RIC1: variants seen among roughly 807,000 people sequenced by gnomAD.
The protein encoded by RIC1 is RIC1 partner of RAB6A GEF complex.
RIC1 carries 88 observed loss-of-function variants against 169.0 expected under a neutral mutation model. The observed-to-expected ratio is 0.52, with a 90% CI of 0.44 to 0.62. RIC1 has a LOEUF of 0.62. RIC1 is among the 20% of genes least tolerant of loss of function. The pLI is 0.00. For synonymous variants in RIC1, 790 were observed against 601.5 expected, an observed-to-expected ratio of 1.31 and a Z score of -4.59; for missense variants, 1,877 against 1,725.5, an observed-to-expected ratio of 1.09 and a Z score of -1.56.
intron 23 of RIC1, among the ~76,000 whole-genome samples, chr9:5,771,193 T>C (rs1308357970): frequency 6.6e-6 from 1 of 152,220 alleles, no homozygotes; most frequent in Non-Finnish European, 1.5e-5. Context: ...AAACTCTGTA[T>C]ATGTTACTTA....
chr9:5,747,180 C>G (rs1180020383), intron 11 of RIC1, 122 bp from the exon 12 acceptor site: 5 of 692,952 alleles, frequency 7.2e-6, no homozygotes, highest in African/African-American at 3.6e-5. Flanking sequence ...AAATCAACAT[C>G]GAGATACATG....
At chr9:5,773,853 A>T in intron 25 of RIC1, 105 bp from the exon 26 acceptor site, 1 of 1,079,078 alleles carries the variant, frequency 9.3e-7, no homozygotes, top group Non-Finnish European at 1.3e-6. Flanking sequence ...CTCCTAATCT[A>T]TCGTCGTCTT....
intron 15 of RIC1, among the ~76,000 whole-genome samples, chr9:5,755,161 C>T (rs1281071142): frequency 6.6e-6 from 1 of 152,052 alleles, no homozygotes; most frequent in African/African-American, 2.4e-5. Flanking sequence ...TTTTAGCTGT[C>T]GGACATTCCC....
chr9:5,750,307 T>A (rs758710271), intron 12 of RIC1, among the ~76,000 whole-genome samples: 26 of 151,912 alleles, frequency 1.7e-4, no homozygotes, highest in Non-Finnish European at 2.1e-4. Flanking sequence ...TACATAAATC[T>A]ATTATCCATT....
At chr9:5,726,959 C>T (rs1278285168) in intron 6 of RIC1, among the ~76,000 whole-genome samples, 1 of 152,184 alleles carries the variant, frequency 6.6e-6, no homozygotes, top group African/African-American at 2.4e-5. Flanking sequence ...GTGGGTAACC[C>T]GACCTTTCTC....
At chr9:5,712,887 G>A (rs1823016702) in intron 3 of RIC1, 1 of 152,100 alleles carries the variant, frequency 6.6e-6, no homozygotes, top group Non-Finnish European at 1.5e-5. Context: ...AAGGAATTAA[G>A]TAAGTACTCC....
chr9:5,733,986 G>C (rs1175951597), intron 7 of RIC1, among the ~76,000 whole-genome samples: 1 of 146,922 alleles, frequency 6.8e-6, no homozygotes, highest in Non-Finnish European at 1.5e-5. Flanking sequence ...GATTTTTTTG[G>C]ACTACTGATT....
chr9:5,727,573 G>A (rs1426401485), intron 6 of RIC1, among the ~76,000 whole-genome samples: 1 of 152,182 alleles, frequency 6.6e-6, no homozygotes, highest in Non-Finnish European at 1.5e-5. Context: ...ATCGAGCTTT[G>A]TTCCATTGCT....
chr9:5,654,880 C>T lies in RIC1; in HGVS notation c.145-1703C>T, dbSNP rs116335032. Among the ~76,000 whole-genome samples, 639 of 152,184 alleles carry T rather than the reference C, an allele frequency of 4.2e-3. 7 individuals are homozygous for T. Among genetic ancestry groups the T allele is most frequent in the African/African-American group, 0.015 (612 of 41,518 alleles). ...CAAATGTGTTTATAATGACAAATTC[C>T]ACTTTTTTATTGCTGGTATATAGAA... On this transcript the variant is annotated intron_variant, in intron 1 of 25. Coordinates refer to ENST00000414202, the MANE Select transcript of RIC1 (RefSeq NM_020829.4).
At chr9:5,701,112 CAAT>C (rs1244497087) in intron 3 of RIC1, among the ~76,000 whole-genome samples, 1 of 152,128 alleles carries the variant, frequency 6.6e-6, no homozygotes, top group Non-Finnish European at 1.5e-5. Flanking sequence ...TGCAAGTAAA[CAAT>C]AACTTGTTAT....
chr9:5,768,878 CCTT>C (rs1467917776), intron 21 of RIC1, 89 bp from the exon 22 acceptor site: 23 of 1,350,708 alleles, frequency 1.7e-5, no homozygotes, highest in East Asian at 2.3e-5. Context: ...TCTCTTATCT[CCTT>C]GTCAGCTTTA....
At chr9:5,680,727 A>G (rs1193001313) in intron 2 of RIC1, among the ~76,000 whole-genome samples, 3 of 135,644 alleles carry the variant, frequency 2.2e-5, no homozygotes, top group Non-Finnish European at 4.7e-5. Flanking sequence ...CGTCTGTTTG[A>G]TTCTTCTCCG....
At position 5,763,463 on chromosome 9, in the gene RIC1, G is replaced by A; in HGVS notation, c.2436G>A (p.Glu812=). Residue 812 remains glutamate (E), a synonymous_variant, in exon 19 of 26, where the codon GAG becomes GAA. Transcript: ENST00000414202. This position sits in a 1 kb window ranked among gnomAD's most constrained non-coding sequence, Gnocchi z 5.2. ...GGAACAATGCTAGAGAACAGCTGGAGGTGCTCTTCCCTTTCTGTGTTGTGG... is the reference window on the plus strand; with the variant it reads ...GGAACAATGCTAGAGAACAGCTGGAAGTGCTCTTCCCTTTCTGTGTTGTGG... The part of the protein sequence containing the change: ...YTRNNAREQL[E]VLFPFCVVER... 1.2e-6 allele frequency: 2 copies of A among 1,614,164 alleles called. No individual in the cohort carries two copies. The highest frequency in any genetic ancestry group is 1.7e-6 in the Non-Finnish European group (2 of 1,180,030).
chr9:5,768,572 TCA>T (rs1302586659), intron 21 of RIC1, among the ~76,000 whole-genome samples: 2 of 152,178 alleles, frequency 1.3e-5, no homozygotes, highest in African/African-American at 4.8e-5. Flanking sequence ...TCTGCATGAC[TCA>T]CACTGAGAAA....
chr9:5,629,589 C>A, intron 1 of RIC1, 136 bp downstream of exon 1: 4 of 1,016,036 alleles, frequency 3.9e-6, no homozygotes, highest in African/African-American at 1.7e-5. Flanking sequence ...TCCGCGTCCT[C>A]GTTCCACCGA....
intron 1 of RIC1, among the ~76,000 whole-genome samples, chr9:5,634,877 T>C (rs1817893862): frequency 6.6e-6 from 1 of 152,224 alleles, no homozygotes; most frequent in South Asian, 2.1e-4. Flanking sequence ...CTTCTTCTTA[T>C]TTTAATTTTT....
chr9:5,774,012 T>C lies in RIC1; in HGVS notation c.4038T>C (p.Ser1346=). ...TTAAGCCACAACTGCAGAAGCTCAG[T>C]GAGATAACAGAAGAGCAGGTCCAGC... ...NIIKPQLQKL[S]EITEEQVQPD... The change falls in exon 26 of 26, where the codon AGT becomes AGC. Residue 1346 remains serine, a synonymous_variant. Coordinates refer to ENST00000414202, the MANE Select transcript of RIC1 (RefSeq NM_020829.4). 6.2e-7 allele frequency: 1 copy of C among 1,613,452 alleles called. No individual in the cohort carries two copies. The highest frequency in any genetic ancestry group is 8.5e-7 in the Non-Finnish European group (1 of 1,179,652).
At chr9:5,744,906 GCTTCT>G (rs1406239667) in intron 10 of RIC1, among the ~76,000 whole-genome samples, 33 of 152,006 alleles carry the variant, frequency 2.2e-4, no homozygotes, top group Admixed American at 2.2e-3. Flanking sequence ...GAGGCTTGTC[GCTTCT>G]CTTCTCTCTT....
intron 6 of RIC1, 82 bp from the exon 7 acceptor site, chr9:5,732,306 T>C (rs1053891557): frequency 6.7e-6 from 7 of 1,039,356 alleles, no homozygotes; most frequent in African/African-American, 1.6e-5. Flanking sequence ...TGAAATTGTA[T>C]GTTTATTGAA....
Sources: gnomAD v4.1 joint callset for allele counts (sites outside exome capture counted in the v4.1 genomes callset) on GRCh38, gnomAD v4.1.1 for gene constraint, Gnocchi (gnomAD v3.1) non-coding constraint, MANE v1.5 for transcripts, NCBI Gene and HGNC (gene_info 2026-07-23, HGNC 2026-07-21) for gene names.